CACNA1C: variants seen among roughly 807,000 people sequenced by gnomAD.
The protein encoded by CACNA1C is calcium voltage-gated channel subunit alpha1 C.
Under a neutral mutation model 229.0 loss-of-function variants are expected in CACNA1C, and 30 were observed. The ratio of observed to expected loss-of-function variants is 0.13; its 90% CI spans 0.10 to 0.18. CACNA1C has a LOEUF of 0.18. CACNA1C is among the 10% of genes least tolerant of loss of function. CACNA1C has a pLI of 1.00. For synonymous variants in CACNA1C, 1,114 were observed against 1,132.5 expected (o/e 0.98, Z 0.33); for missense variants, 1,658 against 2,845.0 (o/e 0.58, Z 9.49).
chr12:2,033,272 C>T (rs1034626838), intron 1 of CACNA1C, among the ~76,000 whole-genome samples: 45 of 152,242 alleles, frequency 3.0e-4, no homozygotes, highest in African/African-American at 1.0e-3. Flanking sequence ...GACACAGATG[C>T]CCCCATGATG....
intron 11 of CACNA1C, among the ~76,000 whole-genome samples, chr12:2,565,413 GC>G (rs1470863159): frequency 4.7e-5 from 7 of 149,736 alleles, no homozygotes; most frequent in Non-Finnish European, 8.9e-5. Flanking sequence ...CTTGCAGTGA[GC>G]CGAGATTGCG....
Position 2,512,325 on chromosome 12 carries a change from G to A in CACNA1C, c.1218-487G>A, listed in dbSNP as rs1188282247. ...TTGGCTCTCAGGACCTGGGGCGAGT[G>A]AGTGGGCTTTGGTACACTGCCGGTC... On this transcript the variant is annotated intron_variant, in intron 8 of 46. Transcript: ENST00000399655. The surrounding 1 kb of genome is among the most constrained non-coding windows in gnomAD (Gnocchi z 4.3). 6.6e-6 allele frequency among the ~76,000 whole-genome samples: 1 copy of A among 152,122 alleles called. No individual in the cohort carries two copies. The highest frequency in any genetic ancestry group is 2.4e-5 in the African/African-American group (1 of 41,430).
chr12:2,478,390 G>A (rs1486306373), intron 5 of CACNA1C, among the ~76,000 whole-genome samples: 1 of 152,128 alleles, frequency 6.6e-6, no homozygotes, highest in East Asian at 1.9e-4. Context: ...CTGGTTGGTG[G>A]GGCAGCAGCT....
intron 3 of CACNA1C, among the ~76,000 whole-genome samples, chr12:2,234,508 G>T (rs2066560047): frequency 6.6e-6 from 1 of 152,164 alleles, no homozygotes; most frequent in African/African-American, 2.4e-5. Context: ...CGAAGATACT[G>T]CCAGAGATGG....
At chr12:2,089,510 T>A (rs2069302713) in intron 1 of CACNA1C, among the ~76,000 whole-genome samples, 1 of 152,158 alleles carries the variant, frequency 6.6e-6, no homozygotes, top group Non-Finnish European at 1.5e-5. Flanking sequence ...AAACAGGTTG[T>A]GATGAACATG....
rs2048789311 is a variant in CACNA1C at position 2,034,672 on chromosome 12, C to T, written c.139+63471C>T. Among the ~76,000 whole-genome samples the T allele has an allele frequency of 6.6e-6, 1 of 152,174 alleles. No homozygotes were observed. The stretch of plus-strand genomic sequence containing the variant: ...GAAATAATTCGAGGGCTAACTGGCT[C>T]ATCTAGTGTGATTTAAGCTCGTAGT... On this transcript the variant is annotated intron_variant, in intron 1 of 46. Coordinates refer to the CACNA1C transcript ENST00000682462. The surrounding 1 kb of genome is among the most constrained non-coding windows in gnomAD (Gnocchi z 4.1).
chr12:2,405,535 AT>A (rs1409063583), intron 3 of CACNA1C, among the ~76,000 whole-genome samples: 1 of 152,138 alleles, frequency 6.6e-6, no homozygotes, highest in Admixed American at 6.5e-5. Flanking sequence ...TTCGTTGAAC[AT>A]TTTTTAGAAC....
intron 3 of CACNA1C, among the ~76,000 whole-genome samples, chr12:2,187,616 C>CA (rs1192043975): frequency 6.6e-6 from 1 of 152,338 alleles, no homozygotes; most frequent in East Asian, 1.9e-4. Context: ...TGAAGAGACC[C>CA]ACCTTTCTGA....
intron 3 of CACNA1C, among the ~76,000 whole-genome samples, chr12:2,431,756 C>G (rs1005051765): frequency 2.0e-5 from 3 of 152,154 alleles, no homozygotes; most frequent in African/African-American, 7.2e-5. Context: ...ACTTCATTCC[C>G]CTGATGTTAT....
At chr12:2,113,866 A>G (rs2082741489) in intron 1 of CACNA1C, among the ~76,000 whole-genome samples, 2 of 152,240 alleles carry the variant, frequency 1.3e-5, no homozygotes, top group African/African-American at 4.8e-5. Context: ...TCTTAGGGAC[A>G]GTCTCAGAGG....
chr12:2,495,842 A>C (rs2239092), intron 7 of CACNA1C, among the ~76,000 whole-genome samples: 3 of 152,122 alleles, frequency 2.0e-5, no homozygotes, highest in African/African-American at 7.2e-5. Flanking sequence ...ACACGTGCAC[A>C]TACACACACC....
chr12:2,421,063 C>G (rs933637268), intron 3 of CACNA1C, among the ~76,000 whole-genome samples: 9 of 152,160 alleles, frequency 5.9e-5, no homozygotes, highest in Non-Finnish European at 4.4e-5. Context: ...CCATCAGTGT[C>G]AAGAAGACAG....
At chr12:2,533,646 G>A (rs1371837402) in intron 9 of CACNA1C, among the ~76,000 whole-genome samples, 1 of 152,158 alleles carries the variant, frequency 6.6e-6, no homozygotes, top group Non-Finnish European at 1.5e-5. Flanking sequence ...GAAAGGACAG[G>A]GGAGTCAGGA....
intron 3 of CACNA1C, among the ~76,000 whole-genome samples, chr12:2,335,156 G>T (rs1339533785): frequency 6.6e-6 from 1 of 152,144 alleles, no homozygotes; most frequent in Non-Finnish European, 1.5e-5. Flanking sequence ...GCCAAAGTGT[G>T]ACTGTGATCC....
chr12:2,174,221 T>C (rs1277096845), intron 3 of CACNA1C, among the ~76,000 whole-genome samples: 2 of 151,996 alleles, frequency 1.3e-5, no homozygotes, highest in Admixed American at 1.3e-4. Context: ...GAGAAAACTC[T>C]AGACATCACC....
intron 3 of CACNA1C, among the ~76,000 whole-genome samples, chr12:2,253,265 T>C (rs1319929506): frequency 1.3e-5 from 2 of 152,274 alleles, no homozygotes; most frequent in Non-Finnish European, 2.9e-5. Context: ...TAGGAAGTCC[T>C]TCGAAGCCCG....
chr12:2,387,667 G>A (rs10848654), intron 3 of CACNA1C, among the ~76,000 whole-genome samples: 47,846 of 152,058 alleles, frequency 0.31, 8,036 homozygotes, highest in Non-Finnish European at 0.39. Flanking sequence ...AGAGTAGGTG[G>A]AGCCAAGGGC....
At chr12:2,347,458 T>C (rs1015337737) in intron 3 of CACNA1C, among the ~76,000 whole-genome samples, 3 of 152,212 alleles carry the variant, frequency 2.0e-5, no homozygotes, top group Middle Eastern at 3.2e-3. Flanking sequence ...AGGCTCCACA[T>C]TTGTACCAGT....
chr12:2,373,857 A>G (rs1484978234), intron 3 of CACNA1C, among the ~76,000 whole-genome samples: 5 of 152,210 alleles, frequency 3.3e-5, no homozygotes, highest in Admixed American at 2.6e-4. Context: ...CTCCAGTATC[A>G]GTAAGCTCAG....
Sources: gnomAD v4.1 joint callset for allele counts (sites outside exome capture counted in the v4.1 genomes callset) on GRCh38, gnomAD v4.1.1 for gene constraint, Gnocchi (gnomAD v3.1) non-coding constraint, MANE v1.5 for transcripts, NCBI Gene and HGNC (gene_info 2026-07-23, HGNC 2026-07-21) for gene names.